The following KCNH7 variants were observed in gnomAD, a reference collection of about 807,000 sequenced individuals.
KCNH7 encodes voltage-gated inwardly rectifying potassium channel KCNH7.
KCNH7 carries 49 observed loss-of-function variants against 120.8 expected under a neutral mutation model. The ratio of observed to expected loss-of-function variants is 0.41; its 90% CI spans 0.32 to 0.51. The LOEUF is 0.51. Among genes scored for constraint, KCNH7 ranks in the 20% least tolerant of loss-of-function variants. The pLI, the probability that KCNH7 is intolerant of heterozygous loss-of-function variation, is 0.38. For synonymous variants in KCNH7, 547 were observed against 516.1 expected (o/e 1.06, Z -0.81); for missense variants, 1,097 against 1,446.6 (o/e 0.76, Z 3.92).
intron 2 of KCNH7, among the ~76,000 whole-genome samples, chr2:162,830,300 C>A (rs181278543): frequency 1.2e-4 from 18 of 152,198 alleles, no homozygotes; most frequent in Admixed American, 3.3e-4. Flanking sequence ...TATGTTACTT[C>A]TTTAAGAAAC....
chr2:162,459,194 G>T (rs1689070950), intron 6 of KCNH7, among the ~76,000 whole-genome samples: 1 of 151,776 alleles, frequency 6.6e-6, no homozygotes, highest in African/African-American at 2.4e-5. Flanking sequence ...ACTAAAATGT[G>T]GGAAGCAGAA....
chr2:162,822,630 G>C (rs1685155557), intron 2 of KCNH7, among the ~76,000 whole-genome samples: 1 of 152,210 alleles, frequency 6.6e-6, no homozygotes, highest in Non-Finnish European at 1.5e-5. Context: ...ACTTGGTTAA[G>C]AGAATGTGTC....
At chr2:162,557,013 C>A (rs1278221174) in intron 2 of KCNH7, among the ~76,000 whole-genome samples, 1 of 149,584 alleles carries the variant, frequency 6.7e-6, no homozygotes, top group Non-Finnish European at 1.5e-5. Context: ...TAACAAACCA[C>A]CTCAACACTT....
intron 8 of KCNH7, among the ~76,000 whole-genome samples, chr2:162,430,080 G>A (rs1688015441): frequency 6.6e-6 from 1 of 151,856 alleles, no homozygotes; most frequent in Non-Finnish European, 1.5e-5. Context: ...TCTTGCAGGA[G>A]TTAAACCACT....
chr2:162,670,109 CAAACA>C (rs1174856004), intron 2 of KCNH7, among the ~76,000 whole-genome samples: 1 of 148,294 alleles, frequency 6.7e-6, no homozygotes. Context: ...CTCAAACAAA[CAAACA>C]AAAGAAGAAA....
At chr2:162,434,284 C>T (rs930378573) in intron 8 of KCNH7, among the ~76,000 whole-genome samples, 1 of 152,042 alleles carries the variant, frequency 6.6e-6, no homozygotes, top group Non-Finnish European at 1.5e-5. Flanking sequence ...GGGTACTATG[C>T]TCATGATCTG....
intron 2 of KCNH7, among the ~76,000 whole-genome samples, chr2:162,787,829 C>G (rs1683768557): frequency 6.6e-6 from 1 of 152,146 alleles, no homozygotes; most frequent in African/African-American, 2.4e-5. Context: ...CACAATGACC[C>G]TAGTTCCAGG....
At chr2:162,645,014 A>C (rs760036516) in intron 2 of KCNH7, among the ~76,000 whole-genome samples, 1 of 152,150 alleles carries the variant, frequency 6.6e-6, no homozygotes, top group African/African-American at 2.4e-5. Flanking sequence ...CTTATATTTA[A>C]CTAGTGTTTC....
intron 12 of KCNH7, among the ~76,000 whole-genome samples, chr2:162,389,753 A>G (rs934074031): frequency 6.6e-6 from 1 of 152,186 alleles, no homozygotes; most frequent in African/African-American, 2.4e-5. Context: ...TCTTTTTTCT[A>G]CTCATGACTT....
At chr2:162,557,480 A>T (rs980900922) in intron 2 of KCNH7, among the ~76,000 whole-genome samples, 2 of 152,176 alleles carry the variant, frequency 1.3e-5, no homozygotes, top group African/African-American at 4.8e-5. Context: ...AGAGAAACAG[A>T]TTTCCCTTCT....
At chr2:162,571,761 T>A (rs998474195) in intron 2 of KCNH7, among the ~76,000 whole-genome samples, 1 of 138,680 alleles carries the variant, frequency 7.2e-6, no homozygotes, top group African/African-American at 2.8e-5. Flanking sequence ...AACTATCTGA[T>A]CTTTGACAAA....
chr2:162,814,276 A>C (rs539917476), intron 2 of KCNH7, among the ~76,000 whole-genome samples: 1 of 152,222 alleles, frequency 6.6e-6, no homozygotes, highest in African/African-American at 2.4e-5. Flanking sequence ...AAAACATAAT[A>C]GATGATTCTA....
At chr2:162,427,929 G>A (rs1687920645) in intron 8 of KCNH7, among the ~76,000 whole-genome samples, 1 of 151,536 alleles carries the variant, frequency 6.6e-6, no homozygotes, top group Admixed American at 6.6e-5. Context: ...CTAGTTGGAG[G>A]CTTATCAGTT....
intron 2 of KCNH7, among the ~76,000 whole-genome samples, chr2:162,666,525 C>G (rs1034583131): frequency 6.6e-6 from 1 of 152,064 alleles, no homozygotes; most frequent in Admixed American, 6.6e-5. Context: ...TATTGTTCCC[C>G]TGCTATGTTC....
At chr2:162,550,061 T>C (rs1281825543) in intron 2 of KCNH7, among the ~76,000 whole-genome samples, 1 of 152,194 alleles carries the variant, frequency 6.6e-6, no homozygotes, top group African/African-American at 2.4e-5. Flanking sequence ...TGCATCTTAA[T>C]GGGGAATGCA....
intron 2 of KCNH7, among the ~76,000 whole-genome samples, chr2:162,726,649 A>G (rs551625627): frequency 6.6e-6 from 1 of 152,096 alleles, no homozygotes; most frequent in Admixed American, 6.6e-5. Flanking sequence ...TGAACTCCTA[A>G]CCTCAAGTGA....
At chr2:162,633,122 T>C in intron 2 of KCNH7, among the ~76,000 whole-genome samples, 1 of 151,998 alleles carries the variant, frequency 6.6e-6, no homozygotes, top group East Asian at 1.9e-4. Flanking sequence ...AACTAGGATC[T>C]TAACTCCTTT....
intron 2 of KCNH7, among the ~76,000 whole-genome samples, chr2:162,655,206 C>G (rs1029694825): frequency 6.6e-6 from 1 of 151,964 alleles, no homozygotes; most frequent in Non-Finnish European, 1.5e-5. Flanking sequence ...CTAATGTATA[C>G]GTATTTCAAA....
At chr2:162,742,838 C>T (rs1212550310) in intron 2 of KCNH7, among the ~76,000 whole-genome samples, 1 of 152,126 alleles carries the variant, frequency 6.6e-6, no homozygotes, top group Non-Finnish European at 1.5e-5. Context: ...TAGAGACATG[C>T]TCCAATTCAG....
Sources: allele counts gnomAD v4.1 joint callset (sites outside exome capture counted in the v4.1 genomes callset), GRCh38; gene constraint gnomAD v4.1.1; transcripts MANE v1.5; gene names NCBI Gene and HGNC (gene_info 2026-07-23, HGNC 2026-07-21).